Variants in C6 observed in about 807,000 individuals in gnomAD.
The protein encoded by C6 is complement C6, also known as complement component C6.
A neutral mutation model predicts 112.9 loss-of-function variants in C6; 101 were observed. The observed-to-expected ratio is 0.89, with a 90% CI of 0.76 to 1.06. The LOEUF (loss-of-function observed/expected upper bound fraction) is 1.06, where lower values mean the gene tolerates loss of function less well. Among genes scored for constraint, C6 ranks in the 50% least tolerant of loss-of-function variants. The pLI is 0.00. For missense variants in C6, 1,202 were observed against 1,104.6 expected, an observed-to-expected ratio of 1.09 and a Z score of -1.25; for synonymous variants, 431 against 384.1, an observed-to-expected ratio of 1.12 and a Z score of -1.43.
At chr5:41,217,137 T>C (rs1319525503), upstream of C6, among the ~76,000 whole-genome samples, 1 of 152,148 alleles carries the variant, frequency 6.6e-6, no homozygotes, top group Non-Finnish European at 1.5e-5. Context: ...TTGGGGGCCA[T>C]TCCAAATGTA....
chr5:41,155,227 A>C (rs929875086), intron 13 of C6, 123 bp from the exon 14 acceptor site: 3 of 853,074 alleles, frequency 3.5e-6, no homozygotes, highest in Non-Finnish European at 5.5e-6. Flanking sequence ...AGTCCTCTCA[A>C]TTTCTACTTC....
intron 9 of C6, among the ~76,000 whole-genome samples, chr5:41,163,307 G>A (rs1432620955): frequency 1.4e-5 from 2 of 138,606 alleles, no homozygotes; most frequent in Non-Finnish European, 3.2e-5. Context: ...ATTTATCAAT[G>A]AACTTTTTTT....
Position 41,154,970 on chromosome 5 carries a change from A to G in C6, c.2101+2T>C. The G allele has an allele frequency of 2.0e-5, 32 of 1,613,716 alleles. No homozygotes were observed. Among genetic ancestry groups the G allele is most frequent in the Non-Finnish European group, 2.6e-5 (31 of 1,179,694 alleles). On this transcript the variant is annotated splice_donor_variant, in intron 14 of 17. Coordinates refer to ENST00000337836, the MANE Select transcript of C6 (RefSeq NM_000065.5). LOFTEE classifies it high-confidence loss of function. Reference sequence around the variant, plus strand: ...AAGCAAAATTGTTTGCCCAGTTCTCACGTTGGCATTCCACATCCCCTTGTC... The same window carrying G: ...AAGCAAAATTGTTTGCCCAGTTCTCGCGTTGGCATTCCACATCCCCTTGTC...
chr5:41,229,721 G>T (rs115295072), intron 1 of C6, among the ~76,000 whole-genome samples: 1 of 152,086 alleles, frequency 6.6e-6, no homozygotes, highest in South Asian at 2.1e-4. Context: ...TCAAATCTTC[G>T]GCTTCCTTAT....
At chr5:41,242,458 A>T (rs1277131080) in intron 1 of C6, among the ~76,000 whole-genome samples, 1 of 152,168 alleles carries the variant, frequency 6.6e-6, no homozygotes, top group Non-Finnish European at 1.5e-5. Context: ...TTCCTTTATA[A>T]ATTACCCAGT....
intron 1 of C6, among the ~76,000 whole-genome samples, chr5:41,232,505 G>C (rs112150150): frequency 0.077 from 11,698 of 152,106 alleles, 745 homozygotes; most frequent in African/African-American, 0.17. Flanking sequence ...TTTTATGGTT[G>C]CTTTTGCTAG....
At chr5:41,236,227 T>C (rs1400108885) in intron 1 of C6, among the ~76,000 whole-genome samples, 2 of 107,102 alleles carry the variant, frequency 1.9e-5, no homozygotes, top group Non-Finnish European at 3.7e-5. Context: ...CGTTTAAATC[T>C]TTAATCCATC....
intron 7 of C6, among the ~76,000 whole-genome samples, chr5:41,177,738 C>A (rs751634918): frequency 5.9e-5 from 9 of 152,190 alleles, no homozygotes; most frequent in Non-Finnish European, 1.3e-4. Flanking sequence ...CCCTGTCCCT[C>A]TCTTCCTTTA....
upstream of C6, among the ~76,000 whole-genome samples, chr5:41,217,170 C>T (rs921402382): frequency 2.6e-5 from 4 of 152,096 alleles, no homozygotes; most frequent in African/African-American, 4.8e-5. Context: ...ATTTTTTCTA[C>T]ATTTCACAAT....
intron 14 of C6, among the ~76,000 whole-genome samples, chr5:41,154,566 C>T (rs1284410435): frequency 6.6e-6 from 1 of 152,204 alleles, no homozygotes; most frequent in African/African-American, 2.4e-5. Flanking sequence ...CTACGTCTTA[C>T]ACAAAATCCC....
At chr5:41,207,734 C>T (rs1334340987) in intron 1 of C6, among the ~76,000 whole-genome samples, 2 of 152,116 alleles carry the variant, frequency 1.3e-5, no homozygotes, top group Non-Finnish European at 2.9e-5. Context: ...AAAGCCAGTC[C>T]TTAGAGATCT....
At chr5:41,214,397 G>A (rs1427309175), upstream of C6, among the ~76,000 whole-genome samples, 3 of 152,140 alleles carry the variant, frequency 2.0e-5, no homozygotes, top group Admixed American at 1.3e-4. Flanking sequence ...ACACAGCTGG[G>A]AACCCACCAC....
chr5:41,161,446 T>C (rs1312105699), intron 10 of C6, among the ~76,000 whole-genome samples: 1 of 152,130 alleles, frequency 6.6e-6, no homozygotes, highest in Non-Finnish European at 1.5e-5. Flanking sequence ...ATTCACTAAG[T>C]TCCATTTCCT....
At chr5:41,225,302 G>A (rs1439444627) in intron 1 of C6, among the ~76,000 whole-genome samples, 1 of 122,958 alleles carries the variant, frequency 8.1e-6, no homozygotes, top group African/African-American at 3.2e-5. Context: ...ACCTATGAGT[G>A]AGAACATGCA....
At position 41,149,524 on chromosome 5, in the gene C6, GA is replaced by G. The variant is rs778834533; in HGVS notation, c.2382-43del. ...AGCAAGCATTTCTATATGAAGATCA[GA>G]AAAAAACAGGGGGCACGTAGCCAAT... On this transcript the variant is annotated intron_variant, in intron 16 of 17. Coordinates refer to ENST00000337836, the MANE Select transcript of C6 (RefSeq NM_000065.5). 1.9e-6 allele frequency: 3 copies of G among 1,611,166 alleles called. No individual in the cohort carries two copies. The African/African-American group carries it at 4.0e-5, about 22-fold the overall frequency.
At chr5:41,190,559 T>A (rs1455952093) in intron 5 of C6, among the ~76,000 whole-genome samples, 2 of 152,228 alleles carry the variant, frequency 1.3e-5, no homozygotes, top group Admixed American at 1.3e-4. Context: ...TATGTTTATG[T>A]TGTCTTTTCA....
At chr5:41,208,804 T>G (rs1055595140) in intron 1 of C6, among the ~76,000 whole-genome samples, 2 of 152,100 alleles carry the variant, frequency 1.3e-5, no homozygotes, top group African/African-American at 4.8e-5. Context: ...AAGGAGGAGC[T>G]GGTACCATTC....
rs528367564 is a variant in C6, at chr5:41,161,287, G to A, written c.1458+406C>T. ...AATTCAATCAATAGTAATAGAAATG[G>A]ATCTAAAATCTCATTTATCTCACAG... On this transcript the variant is annotated intron_variant, in intron 10 of 17. Coordinates refer to ENST00000337836, the MANE Select transcript of C6 (RefSeq NM_000065.5). Among the ~76,000 whole-genome samples, 50 of 152,074 alleles carry A rather than the reference G, an allele frequency of 3.3e-4. 1 individual carries two copies. Among genetic ancestry groups the A allele is most frequent in the African/African-American group, 1.2e-3 (49 of 41,506 alleles).
intron 9 of C6, among the ~76,000 whole-genome samples, chr5:41,162,745 A>G (rs1747638730): frequency 6.6e-6 from 1 of 152,228 alleles, no homozygotes; most frequent in South Asian, 2.1e-4. Flanking sequence ...ATAGTCTAGA[A>G]TGATTAGGAA....
Sources: allele counts gnomAD v4.1 joint callset (sites outside exome capture counted in the v4.1 genomes callset), GRCh38; gene constraint gnomAD v4.1.1; transcripts MANE v1.5; gene names NCBI Gene and HGNC (gene_info 2026-07-23, HGNC 2026-07-21).